The following MSH3 variants were observed in gnomAD, a reference collection of about 807,000 sequenced individuals.
MSH3 encodes the protein DNA mismatch repair protein Msh3.
A neutral mutation model predicts 123.3 loss-of-function variants in MSH3; 106 were observed. The observed-to-expected ratio is 0.86, with a 90% CI of 0.73 to 1.01. The LOEUF (loss-of-function observed/expected upper bound fraction) is 1.01, where lower values mean the gene tolerates loss of function less well. Ranked by LOEUF, MSH3 falls within the 50% of genes least tolerant of loss-of-function variation. The pLI is 0.00. For synonymous variants in MSH3, 515 were observed against 481.4 expected, an observed-to-expected ratio of 1.07 and a Z score of -0.91; for missense variants, 1,459 against 1,347.6, an observed-to-expected ratio of 1.08 and a Z score of -1.29.
chr5:80,837,139 G>A (rs911344893), intron 20 of MSH3, among the ~76,000 whole-genome samples: 8 of 152,088 alleles, frequency 5.3e-5, no homozygotes, highest in African/African-American at 1.9e-4. Flanking sequence ...TTTAAGCATA[G>A]GAATCAAAAT....
chr5:80,730,643 G>T (rs1347783036), intron 10 of MSH3, among the ~76,000 whole-genome samples: 1 of 151,856 alleles, frequency 6.6e-6, no homozygotes, highest in East Asian at 1.9e-4. Flanking sequence ...GTTGTGTTGG[G>T]GCTTTGTAAA....
intron 1 of MSH3, 107 bp downstream of exon 1, chr5:80,655,071 A>C (rs1749231372): frequency 1.6e-6 from 1 of 640,168 alleles, no homozygotes; most frequent in Non-Finnish European, 2.5e-6. Context: ...GGGCTGGAGG[A>C]GGAAGGGGCG....
intron 8 of MSH3, among the ~76,000 whole-genome samples, chr5:80,684,724 G>T (rs1251318378): frequency 6.6e-6 from 1 of 152,108 alleles, no homozygotes; most frequent in African/African-American, 2.4e-5. Flanking sequence ...AGTGGTGGTA[G>T]TGGGCATCAT....
At chr5:80,766,938 A>G (rs1744133686) in intron 13 of MSH3, among the ~76,000 whole-genome samples, 1 of 152,120 alleles carries the variant, frequency 6.6e-6, no homozygotes, top group Non-Finnish European at 1.5e-5. Context: ...TATATCATTT[A>G]AAGAATACAA....
intron 8 of MSH3, among the ~76,000 whole-genome samples, chr5:80,711,655 C>CT (rs1032489952): frequency 7.9e-5 from 12 of 151,866 alleles, no homozygotes; most frequent in South Asian, 6.2e-4. Context: ...TTTTTTTCTT[C>CT]TTTTTTTTCT....
chr5:80,743,816 C>T (rs1489632426), intron 11 of MSH3, among the ~76,000 whole-genome samples: 4 of 123,612 alleles, frequency 3.2e-5, no homozygotes, highest in African/African-American at 9.5e-5. Context: ...TGCACTCCAG[C>T]CTGGGCGACA....
intron 19 of MSH3, among the ~76,000 whole-genome samples, chr5:80,802,401 GA>G (rs1460199743): frequency 6.7e-6 from 1 of 149,732 alleles, no homozygotes; most frequent in Non-Finnish European, 1.5e-5. Flanking sequence ...GTACCTCACA[GA>G]ATTGATTCTT....
At position 80,725,542 on chromosome 5, in the gene MSH3, C is replaced by T. The variant is rs534548594; in HGVS notation, c.1430C>T (p.Ala477Val). 6 of 1,612,660 alleles carry T rather than the reference C, an allele frequency of 3.7e-6. No homozygotes were observed. In the East Asian group the frequency reaches 1.1e-4, roughly 30 times the overall value. The change falls in exon 9 of 24, where the codon GCA becomes GTA. Residue 477 changes from alanine (A) to valine (V), a missense_variant. Ala to Val is a moderately conservative substitution (Grantham distance 64). Transcript: ENST00000265081. Reference protein sequence around the residue: ...HAFQAVTEFYAKDTVDIKGSQ... With the variant: ...HAFQAVTEFYVKDTVDIKGSQ... ...TTCCAGGCAGTTACAGAGTTTTATG[C>T]AAAAGATACAGTTGACATCAAAGGT...
At chr5:80,792,430 G>GAAA (rs1744624348) in intron 18 of MSH3, among the ~76,000 whole-genome samples, 3 of 149,858 alleles carry the variant, frequency 2.0e-5, no homozygotes, top group Admixed American at 6.7e-5. Flanking sequence ...AAAAAAGAAA[G>GAAA]AAAAGAAAAA....
At chr5:80,658,788 G>T (rs944173664) in intron 2 of MSH3, among the ~76,000 whole-genome samples, 2 of 151,976 alleles carry the variant, frequency 1.3e-5, no homozygotes, top group Non-Finnish European at 2.9e-5. Context: ...TTTAGAGACA[G>T]GGTTTTGCTG....
At position 80,839,449 on chromosome 5, in the gene MSH3, C is replaced by T. The variant is rs901407132; in HGVS notation, c.2814-14681C>T. 4.6e-5 allele frequency among the ~76,000 whole-genome samples: 7 copies of T among 152,138 alleles called. No individual in the cohort carries two copies. In the East Asian group the frequency reaches 9.6e-4, roughly 21 times the overall value. On this transcript the variant is annotated intron_variant, in intron 20 of 23. Transcript: ENST00000265081. ...TGGGCACGCTCTATATTTTTTGAACCGATTCTTAAGGGTATCCCAATGATA... is the reference window on the plus strand; with the variant it reads ...TGGGCACGCTCTATATTTTTTGAACTGATTCTTAAGGGTATCCCAATGATA...
chr5:80,743,564 G>T lies in MSH3; in HGVS notation c.1654-942G>T, dbSNP rs558738658. 2.3e-3 allele frequency among the ~76,000 whole-genome samples: 21 copies of T among 9,108 alleles called. 7 individuals carry two copies. Among genetic ancestry groups the T allele is most frequent in the East Asian group, 0.33 (2 of 6 alleles). The allele number at this position is 9,108 out of a possible 152,430, so 6.0% of individuals were successfully genotyped here. A position where few individuals can be genotyped will look rare whatever the true frequency, so the allele number is the denominator to read the frequency against. ...AAAAAGAAAGGATTAAAAAAACCCG[G>T]CCGGGCGCGGTGGCTCACGCCTGTA... On this transcript the variant is annotated intron_variant, in intron 11 of 23. Coordinates refer to ENST00000265081, the MANE Select transcript of MSH3 (RefSeq NM_002439.5).
chr5:80,817,286 A>G (rs972597685), intron 20 of MSH3, among the ~76,000 whole-genome samples: 1 of 152,146 alleles, frequency 6.6e-6, no homozygotes, highest in African/African-American at 2.4e-5. Flanking sequence ...CTGAAAAGTC[A>G]CCTTTGGTCT....
chr5:80,674,871 C>T (rs1370377957), intron 6 of MSH3, 112 bp from the exon 7 acceptor site: 5 of 959,314 alleles, frequency 5.2e-6, no homozygotes, highest in African/African-American at 3.3e-5. Context: ...TGAGCCACTG[C>T]GCCTGGCTGT....
Position 80,854,258 on chromosome 5 carries a change from C to T in MSH3, c.2942C>T (p.Thr981Met), listed in dbSNP as rs761465174. Residue 981 changes from threonine to methionine, a missense_variant, in exon 21 of 24, where the codon ACG becomes ATG. Coordinates refer to ENST00000265081, the MANE Select transcript of MSH3 (RefSeq NM_002439.5). ...ATCTTGGATGAACTAGGAAGAGGGACGAGCACTCATGATGGAATTGCCATT... is the reference window on the plus strand; with the variant it reads ...ATCTTGGATGAACTAGGAAGAGGGATGAGCACTCATGATGGAATTGCCATT... ...LVILDELGRGTSTHDGIAIAY... is the reference protein window; with the variant it reads ...LVILDELGRGMSTHDGIAIAY... 1.9e-6 allele frequency: 3 copies of T among 1,613,822 alleles called. No homozygotes were observed. Among genetic ancestry groups the T allele is most frequent in the Non-Finnish European group, 1.7e-6 (2 of 1,179,868 alleles).
intron 8 of MSH3, among the ~76,000 whole-genome samples, chr5:80,716,952 A>T (rs961093535): frequency 1.3e-5 from 2 of 152,174 alleles, no homozygotes; most frequent in African/African-American, 4.8e-5. Context: ...GAGTGAGAAC[A>T]TGTGATATTC....
chr5:80,757,755 A>G (rs1189638934), intron 12 of MSH3, among the ~76,000 whole-genome samples: 1 of 152,192 alleles, frequency 6.6e-6, no homozygotes, highest in Admixed American at 6.5e-5. Context: ...CTATCACTCC[A>G]TCTGTCATTA....
intron 8 of MSH3, among the ~76,000 whole-genome samples, chr5:80,698,133 C>A (rs1410314100): frequency 2.0e-5 from 3 of 152,098 alleles, no homozygotes; most frequent in Admixed American, 2.0e-4. Flanking sequence ...AACTCCTGGG[C>A]TCAAGCAATC....
chr5:80,674,884 A>G lies in MSH3; in HGVS notation c.1028-99A>G, dbSNP rs948810964. 2.7e-6 allele frequency: 3 copies of G among 1,098,906 alleles called. No individual in the cohort carries two copies. In the African/African-American group the frequency reaches 4.7e-5, roughly 17 times the overall value. 68.1% of individuals were successfully genotyped at this position (1,098,906 alleles called of 1,614,324 possible). A position where few individuals can be genotyped will look rare whatever the true frequency, so the allele number is the denominator to read the frequency against. On this transcript the variant is annotated intron_variant, in intron 6 of 23. Coordinates refer to ENST00000265081, the MANE Select transcript of MSH3 (RefSeq NM_002439.5). ...TGTGAGCCACTGCGCCTGGCTGTGA[A>G]CCATTATTTTAAAGGAGAAAATAGT...
Sources: gnomAD v4.1 joint callset for allele counts (sites outside exome capture counted in the v4.1 genomes callset) on GRCh38, gnomAD v4.1.1 for gene constraint, MANE v1.5 for transcripts, NCBI Gene and HGNC (gene_info 2026-07-23, HGNC 2026-07-21) for gene names.